Variants in NHS observed in about 807,000 individuals in gnomAD.
The protein encoded by NHS is NHS actin remodeling regulator.
In NHS, 5 loss-of-function variants were observed where a neutral mutation model predicts 72.5. That is an observed-to-expected ratio of 0.07 (90% CI 0.04 to 0.14). The LOEUF (loss-of-function observed/expected upper bound fraction) is 0.14, where lower values mean the gene tolerates loss of function less well. Ranked by LOEUF, NHS falls within the 10% of genes least tolerant of loss-of-function variation. NHS has a pLI of 1.00. For missense variants in NHS, 1,072 were observed against 1,355.7 expected (o/e 0.79, Z 3.29); for synonymous variants, 464 against 547.7 (o/e 0.85, Z 2.13).
intron 3 of NHS, among the ~76,000 whole-genome samples, chrX:17,696,172 T>C (rs2066228838): frequency 9.0e-6 from 1 of 111,720 alleles, no homozygotes; most frequent in Non-Finnish European, 1.9e-5. Flanking sequence ...TATCTGGGCC[T>C]AGCTAGGAAC....
chrX:17,633,527 C>T (rs2065830087), intron 1 of NHS, among the ~76,000 whole-genome samples: 1 of 112,072 alleles, frequency 8.9e-6, no homozygotes, highest in Non-Finnish European at 1.9e-5. Context: ...TTTTATTTTG[C>T]CATCTCAGCC....
At chrX:17,439,875 T>A (rs1363252948) in intron 1 of NHS, among the ~76,000 whole-genome samples, 1 of 112,063 alleles carries the variant, frequency 8.9e-6, no homozygotes, top group Non-Finnish European at 1.9e-5. Context: ...TTGGAAAATG[T>A]CAGAATATGT....
chrX:17,521,860 G>T (rs1262278035), intron 1 of NHS, among the ~76,000 whole-genome samples: 2 of 112,482 alleles, frequency 1.8e-5, no homozygotes, highest in African/African-American at 6.5e-5. Context: ...GCTAAGGCCT[G>T]GTCACCATAG....
chrX:17,726,373 T>C lies in NHS; in HGVS notation c.2267T>C (p.Met756Thr), dbSNP rs759309598. The change falls in exon 7 of 9, where the codon ATG (methionine) becomes ACG (threonine). Residue 756 changes from methionine (M) to threonine (T), a missense_variant. Transcript: ENST00000676302. Reference sequence around the variant, plus strand: ...CTGGGCTGCCCAAGCTTCACAAGCATGGCCACTTATGACAGCTTTCTGGAA... The same window carrying C: ...CTGGGCTGCCCAAGCTTCACAAGCACGGCCACTTATGACAGCTTTCTGGAA... ...DSLGCPSFTS[M>T]ATYDSFLEKS... 4.1e-6 allele frequency: 5 copies of C among 1,210,803 alleles called. No homozygotes were observed. The African/African-American group carries it at 8.7e-5, about 21-fold the overall frequency.
intron 3 of NHS, among the ~76,000 whole-genome samples, chrX:17,718,908 GGAAA>G (rs1175693060): frequency 1.2e-5 from 1 of 81,873 alleles, no homozygotes; most frequent in African/African-American, 4.8e-5. Flanking sequence ...AGAAGGAAGA[GGAAA>G]GGAAGGAAGA....
chrX:17,536,618 G>C (rs2065225567), intron 1 of NHS, among the ~76,000 whole-genome samples: 1 of 112,283 alleles, frequency 8.9e-6, no homozygotes, highest in Non-Finnish European at 1.9e-5. Flanking sequence ...CTAGTGGGGT[G>C]GTTTGGGATT....
intron 1 of NHS, among the ~76,000 whole-genome samples, chrX:17,477,888 A>G (rs1050986322): frequency 2.7e-5 from 3 of 111,842 alleles, no homozygotes; most frequent in African/African-American, 9.8e-5. Flanking sequence ...TATTGTGGTC[A>G]TTTTTTGCAA....
intron 1 of NHS, among the ~76,000 whole-genome samples, chrX:17,544,287 G>A (rs948195379): frequency 3.6e-5 from 4 of 111,751 alleles, no homozygotes; most frequent in African/African-American, 9.8e-5. Context: ...ATTTGAATCC[G>A]ACAATTTGGA....
At chrX:17,445,115 G>T (rs1181187136) in intron 1 of NHS, among the ~76,000 whole-genome samples, 1 of 110,851 alleles carries the variant, frequency 9.0e-6, no homozygotes, top group Admixed American at 9.6e-5. Flanking sequence ...GCTGGTTGTG[G>T]TGTAGATCAG....
intron 3 of NHS, among the ~76,000 whole-genome samples, chrX:17,707,583 G>C (rs1285107325): frequency 1.8e-5 from 2 of 111,449 alleles, no homozygotes; most frequent in African/African-American, 3.3e-5. Context: ...TCATAGTTCA[G>C]AGCTATAAAC....
intron 1 of NHS, among the ~76,000 whole-genome samples, chrX:17,603,689 T>C (rs1432340082): frequency 8.9e-6 from 1 of 112,434 alleles, no homozygotes; most frequent in Non-Finnish European, 1.9e-5. Flanking sequence ...GGTGTTTCTA[T>C]GACTTCACAC....
Position 17,538,663 on chromosome X carries a change from C to T in NHS, c.566-149079C>T, listed in dbSNP as rs758797997. 3.6e-5 allele frequency among the ~76,000 whole-genome samples: 4 copies of T among 111,854 alleles called. No individual in the cohort carries two copies. The South Asian group carries it at 1.5e-3, about 42-fold the overall frequency. The stretch of plus-strand genomic sequence containing the variant: ...CGGAGCAAGAAGCCATGAACACGTG[C>T]AAAGTGGGAAGGGGCTTCACCGGAT... On this transcript the variant is annotated intron_variant, in intron 1 of 8. Transcript: ENST00000676302.
At chrX:17,507,506 G>C in intron 1 of NHS, among the ~76,000 whole-genome samples, 1 of 112,070 alleles carries the variant, frequency 8.9e-6, no homozygotes, top group East Asian at 2.8e-4. Flanking sequence ...GACATCCCAG[G>C]TGTGTTTTTA....
intron 1 of NHS, among the ~76,000 whole-genome samples, chrX:17,443,534 G>C (rs1445893457): frequency 9.0e-6 from 1 of 111,677 alleles, no homozygotes; most frequent in African/African-American, 3.3e-5. Flanking sequence ...GCACCTACAT[G>C]CTTGATTAGT....
At chrX:17,558,894 ATAAACT>A (rs746096549) in intron 1 of NHS, among the ~76,000 whole-genome samples, 38 of 112,824 alleles carry the variant, frequency 3.4e-4, no homozygotes, top group Non-Finnish European at 5.4e-4. Flanking sequence ...ATTTCCTATT[ATAAACT>A]TAAAGTTTCA....
intron 1 of NHS, among the ~76,000 whole-genome samples, chrX:17,446,450 C>T (rs1381574563): frequency 9.1e-6 from 1 of 109,754 alleles, no homozygotes; most frequent in East Asian, 2.9e-4. Flanking sequence ...TGTGAAATTC[C>T]TTCTCCTGGC....
intron 1 of NHS, among the ~76,000 whole-genome samples, chrX:17,568,403 C>A (rs2065456385): frequency 8.9e-6 from 1 of 111,752 alleles, no homozygotes; most frequent in Non-Finnish European, 1.9e-5. Flanking sequence ...CTATATCAAG[C>A]ATATGGCACA....
chrX:17,430,312 T>TTTCTTTCTTTCTTTCC (rs1464402892), intron 1 of NHS, among the ~76,000 whole-genome samples: 2 of 77,910 alleles, frequency 2.6e-5, no homozygotes, highest in Admixed American at 1.5e-4. Flanking sequence ...TCTTTCTTTC[T>TTTCTTTCTTTCTTTCC]TTCCTTTCTT....
At chrX:17,376,686 G>C (rs1006641543) in intron 1 of NHS, among the ~76,000 whole-genome samples, 1 of 112,615 alleles carries the variant, frequency 8.9e-6, no homozygotes, top group African/African-American at 3.2e-5. Flanking sequence ...CCTTCACGGG[G>C]CGTAGGGAGG....
Sources: gnomAD v4.1 joint callset for allele counts (sites outside exome capture counted in the v4.1 genomes callset) on GRCh38, gnomAD v4.1.1 for gene constraint, MANE v1.5 for transcripts, NCBI Gene and HGNC (gene_info 2026-07-23, HGNC 2026-07-21) for gene names.